Variants in BMPR1B observed in about 807,000 individuals in gnomAD.
BMPR1B encodes the protein bone morphogenetic protein receptor type 1B.
In BMPR1B, 12 loss-of-function variants were observed where a neutral mutation model predicts 59.1. That is an observed-to-expected ratio of 0.20 (90% CI 0.13 to 0.33). The LOEUF (loss-of-function observed/expected upper bound fraction) is 0.33, where lower values mean the gene tolerates loss of function less well. BMPR1B is among the 10% of genes least tolerant of loss of function. The probability of loss-of-function intolerance (pLI) is 1.00; values close to 1 mark genes in which losing one functional copy is unlikely to be tolerated. For missense variants in BMPR1B, 550 were observed against 610.9 expected (o/e 0.90, Z 1.05); for synonymous variants, 237 against 207.3 (o/e 1.14, Z -1.23).
chr4:94,797,596 A>G (rs1429093278), intron 1 of BMPR1B, among the ~76,000 whole-genome samples: 1 of 152,222 alleles, frequency 6.6e-6, no homozygotes, highest in African/African-American at 2.4e-5. Context: ...AGTTCAGTAT[A>G]TTCACATTGT....
At chr4:95,102,623 A>G (rs1037432654) in intron 3 of BMPR1B, among the ~76,000 whole-genome samples, 2 of 152,140 alleles carry the variant, frequency 1.3e-5, no homozygotes, top group African/African-American at 2.4e-5. Flanking sequence ...AGGGTGAGAT[A>G]TAGGTACACC....
intron 3 of BMPR1B, among the ~76,000 whole-genome samples, chr4:95,014,008 G>C (rs1016299878): frequency 2.0e-5 from 3 of 152,160 alleles, no homozygotes; most frequent in Admixed American, 6.5e-5. Context: ...AGGATTTGGG[G>C]CTAGGTCTGT....
chr4:95,121,375 A>G (rs59357293), intron 6 of BMPR1B, among the ~76,000 whole-genome samples: 15,788 of 152,190 alleles, frequency 0.1, 2,013 homozygotes, highest in African/African-American at 0.3. Flanking sequence ...TGATCTGGGC[A>G]TGCAGTGTGA....
intron 1 of BMPR1B, among the ~76,000 whole-genome samples, chr4:94,823,953 A>G (rs912255731): frequency 3.9e-5 from 6 of 152,012 alleles, no homozygotes; most frequent in African/African-American, 1.4e-4. Context: ...TCACCGTGTT[A>G]GCCAGGATGG....
intron 1 of BMPR1B, among the ~76,000 whole-genome samples, chr4:94,820,290 A>G (rs1004792658): frequency 3.9e-5 from 6 of 152,178 alleles, no homozygotes; most frequent in African/African-American, 1.2e-4. Context: ...AGAATCAGTT[A>G]TTATTAAATG....
At chr4:95,005,051 A>G (rs1480068801) in intron 3 of BMPR1B, among the ~76,000 whole-genome samples, 1 of 152,138 alleles carries the variant, frequency 6.6e-6, no homozygotes, top group Non-Finnish European at 1.5e-5. Context: ...ACAGCTTGCA[A>G]AGCACAATGT....
chr4:94,796,972 C>T (rs138323669), intron 1 of BMPR1B, among the ~76,000 whole-genome samples: 22 of 152,186 alleles, frequency 1.4e-4, no homozygotes, highest in East Asian at 1.2e-3. Context: ...TCAAGAGATA[C>T]ATATGTGTAT....
intron 1 of BMPR1B, among the ~76,000 whole-genome samples, chr4:94,800,498 C>T (rs967409561): frequency 2.4e-5 from 3 of 123,900 alleles, no homozygotes; most frequent in African/African-American, 9.4e-5. Context: ...GTGAAAAAGA[C>T]AAGGACTGTT....
intron 1 of BMPR1B, among the ~76,000 whole-genome samples, chr4:94,834,504 AT>A (rs371792569): frequency 0.12 from 18,348 of 150,180 alleles, 1,172 homozygotes; most frequent in Non-Finnish European, 0.14. Context: ...CCAAGGAAGG[AT>A]TTTTTTTTTC....
chr4:94,961,983 TA>T, intron 2 of BMPR1B, among the ~76,000 whole-genome samples: 1 of 152,244 alleles, frequency 6.6e-6, no homozygotes, highest in Admixed American at 6.5e-5. Flanking sequence ...AAATATATAA[TA>T]AATTGTTCTT....
At chr4:94,761,415 CTGTGTGTGTGTGTGTGTGTGTGTGTGTG>C (rs57447983) in intron 1 of BMPR1B, among the ~76,000 whole-genome samples, 2 of 141,208 alleles carry the variant, frequency 1.4e-5, no homozygotes, top group Non-Finnish European at 3.1e-5. Flanking sequence ...CTGTATAATT[CTGTGTGTGTGTGTGTGTGTGTGTGTGTG>C]TGTGTGTGTG....
intron 3 of BMPR1B, among the ~76,000 whole-genome samples, chr4:95,030,283 T>G (rs1223153685): frequency 4.6e-5 from 7 of 152,186 alleles, no homozygotes; most frequent in Non-Finnish European, 8.8e-5. Context: ...CATCTTGAAT[T>G]AATTTTTGTA....
At chr4:94,770,926 C>T (rs1412319960) in intron 1 of BMPR1B, among the ~76,000 whole-genome samples, 8 of 150,978 alleles carry the variant, frequency 5.3e-5, no homozygotes, top group Non-Finnish European at 1.0e-4. Context: ...GCTAGACCCC[C>T]TCCCATGATT....
chr4:94,909,607 C>A (rs545207763), intron 2 of BMPR1B, among the ~76,000 whole-genome samples: 2 of 152,092 alleles, frequency 1.3e-5, no homozygotes, highest in Non-Finnish European at 2.9e-5. Flanking sequence ...GGTCTTCTTG[C>A]TTAGTAGGCC....
intron 1 of BMPR1B, among the ~76,000 whole-genome samples, chr4:94,832,552 T>A (rs1165739165): frequency 6.6e-6 from 1 of 151,910 alleles, no homozygotes; most frequent in East Asian, 1.9e-4. Context: ...GAGGCTGAGG[T>A]GGGCGGATCA....
At chr4:94,943,849 G>A (rs2149046616) in intron 2 of BMPR1B, among the ~76,000 whole-genome samples, 1 of 152,198 alleles carries the variant, frequency 6.6e-6, no homozygotes, top group East Asian at 1.9e-4. Flanking sequence ...AAATTACATA[G>A]TTGATTTCAA....
chr4:94,981,326 C>T (rs774257916), intron 2 of BMPR1B, among the ~76,000 whole-genome samples: 2 of 152,098 alleles, frequency 1.3e-5, no homozygotes, highest in Non-Finnish European at 2.9e-5. Flanking sequence ...TCCACCTCAG[C>T]CTCCCAAAGC....
chr4:94,763,898 T>G (rs1721870276), intron 1 of BMPR1B, among the ~76,000 whole-genome samples: 1 of 152,232 alleles, frequency 6.6e-6, no homozygotes, highest in Non-Finnish European at 1.5e-5. Flanking sequence ...AATACACATT[T>G]AGCCATGATA....
intron 1 of BMPR1B, among the ~76,000 whole-genome samples, chr4:94,814,939 T>C (rs1723952986): frequency 6.6e-6 from 1 of 152,124 alleles, no homozygotes; most frequent in African/African-American, 2.4e-5. Context: ...ATTTCGCTCT[T>C]GTTGCCTAGG....
Sources: gnomAD v4.1 joint callset for allele counts (sites outside exome capture counted in the v4.1 genomes callset) on GRCh38, gnomAD v4.1.1 for gene constraint, MANE v1.5 for transcripts, NCBI Gene and HGNC (gene_info 2026-07-23, HGNC 2026-07-21) for gene names.